Variants in GABRA2 observed in about 807,000 individuals in gnomAD.
GABRA2 encodes the protein gamma-aminobutyric acid type A receptor subunit alpha2.
A neutral mutation model predicts 48.7 loss-of-function variants in GABRA2; 16 were observed. That is an observed-to-expected ratio of 0.33 (90% CI 0.22 to 0.50). The LOEUF is 0.50. Ranked by LOEUF, GABRA2 falls within the 20% of genes least tolerant of loss-of-function variation. The pLI is 0.98. For synonymous variants in GABRA2, 185 were observed against 184.5 expected (o/e 1.00, Z -0.02); for missense variants, 275 against 535.6 (o/e 0.51, Z 4.80).
intron 3 of GABRA2, 62 bp downstream of exon 3, chr4:46,386,012 T>G: frequency 1.1e-6 from 1 of 939,686 alleles, no homozygotes; most frequent in Non-Finnish European, 1.7e-6. Context: ...AATAGGAATA[T>G]TACCCTTAAC....
At chr4:46,363,000 G>C (rs866267619) in intron 3 of GABRA2, among the ~76,000 whole-genome samples, 31 of 152,214 alleles carry the variant, frequency 2.0e-4, no homozygotes, top group Middle Eastern at 3.4e-3. Flanking sequence ...TCCTATTTAA[G>C]TAAAATTAAA....
rs759035332 is a variant in GABRA2 at position 46,388,615 on chromosome 4, CA to C, written c.71+20del. The C allele has an allele frequency of 2.5e-6, 4 of 1,613,424 alleles. No homozygotes were observed. In the African/African-American group the frequency reaches 5.3e-5, roughly 22 times the overall value. Reference sequence around the variant, plus strand: ...CATCTTTGCCCTGAATTAAAATAGTCAAATACAATAAATATCTCACCTGGCA... The same window carrying C: ...CATCTTTGCCCTGAATTAAAATAGTCAATACAATAAATATCTCACCTGGCA... On this transcript the variant is annotated intron_variant, in intron 2 of 9. Transcript: ENST00000381620.
At chr4:46,358,345 C>T (rs1352965134) in intron 3 of GABRA2, among the ~76,000 whole-genome samples, 1 of 152,146 alleles carries the variant, frequency 6.6e-6, no homozygotes, top group African/African-American at 2.4e-5. Flanking sequence ...GTTATTTAAC[C>T]TGCTATACTG....
intron 3 of GABRA2, among the ~76,000 whole-genome samples, chr4:46,339,796 T>C (rs1030136368): frequency 6.6e-5 from 10 of 151,814 alleles, no homozygotes; most frequent in Non-Finnish European, 1.2e-4. Flanking sequence ...CAGTTTTTGG[T>C]GTTCTGTATT....
At chr4:46,294,365 T>C (rs1031116426) in intron 8 of GABRA2, among the ~76,000 whole-genome samples, 1 of 152,204 alleles carries the variant, frequency 6.6e-6, no homozygotes, top group Non-Finnish European at 1.5e-5. Flanking sequence ...ATATTCCTTC[T>C]AAGGTGAAGG....
chr4:46,255,143 A>AG (rs1392278461), intron 9 of GABRA2, among the ~76,000 whole-genome samples: 1 of 151,608 alleles, frequency 6.6e-6, no homozygotes. Flanking sequence ...AGCTCTTTGA[A>AG]GGCACAGACT....
intron 4 of GABRA2, among the ~76,000 whole-genome samples, chr4:46,317,816 G>A (rs1176483926): frequency 3.3e-5 from 5 of 151,524 alleles, no homozygotes; most frequent in African/African-American, 1.2e-4. Flanking sequence ...TTATCAGTGA[G>A]GCTATTTAAA....
At chr4:46,266,073 T>C (rs1255909223) in intron 8 of GABRA2, among the ~76,000 whole-genome samples, 1 of 151,862 alleles carries the variant, frequency 6.6e-6, no homozygotes, top group African/African-American at 2.4e-5. Context: ...ACTTGTTTAA[T>C]GGCCTAATGC....
At chr4:46,317,434 T>C (rs1329957786) in intron 4 of GABRA2, among the ~76,000 whole-genome samples, 3 of 151,608 alleles carry the variant, frequency 2.0e-5, no homozygotes. Context: ...TGGAACGATA[T>C]AGACATTATT....
chr4:46,281,146 A>G (rs532465512), intron 8 of GABRA2, among the ~76,000 whole-genome samples: 1 of 152,292 alleles, frequency 6.6e-6, no homozygotes, highest in South Asian at 2.1e-4. Flanking sequence ...CAAAGCTACA[A>G]GTAGAGCAGA....
intron 4 of GABRA2, among the ~76,000 whole-genome samples, chr4:46,317,894 C>T (rs1310661024): frequency 1.3e-5 from 2 of 151,644 alleles, no homozygotes; most frequent in Non-Finnish European, 3.0e-5. Flanking sequence ...ATTTAAAATA[C>T]TGGTCAATGA....
In GABRA2 at chr4:46,297,553, C is replaced by T. The variant is rs185390003; in HGVS notation, c.856+5907G>A. Among the ~76,000 whole-genome samples the T allele has an allele frequency of 1.9e-3, 256 of 135,736 alleles. 2 individuals are homozygous for T. The highest frequency in any genetic ancestry group is 6.2e-3 in the African/African-American group (223 of 35,870). The allele number at this position is 135,736 out of a possible 152,430, so 89.0% of individuals were successfully genotyped here. A position where few individuals can be genotyped will look rare whatever the true frequency, so the allele number is the denominator to read the frequency against. Reference sequence around the variant, plus strand: ...ATATACACTCTAGAGAACCCTAATACGATTATCTAATTTGTTGGTGTGATA... The same window carrying T: ...ATATACACTCTAGAGAACCCTAATATGATTATCTAATTTGTTGGTGTGATA... On this transcript the variant is annotated intron_variant, in intron 8 of 9. Transcript: ENST00000381620.
At chr4:46,276,125 A>T (rs1367757948) in intron 8 of GABRA2, among the ~76,000 whole-genome samples, 1 of 152,188 alleles carries the variant, frequency 6.6e-6, no homozygotes, top group Non-Finnish European at 1.5e-5. Flanking sequence ...GAACAAAAAA[A>T]CTATTCTCTT....
intron 9 of GABRA2, among the ~76,000 whole-genome samples, chr4:46,258,986 G>T (rs1189079166): frequency 6.6e-6 from 1 of 151,856 alleles, no homozygotes; most frequent in Admixed American, 6.6e-5. Flanking sequence ...AGAAGCTGAG[G>T]ATGTGGGAAG....
At chr4:46,372,765 T>C (rs918223840) in intron 3 of GABRA2, among the ~76,000 whole-genome samples, 10 of 152,188 alleles carry the variant, frequency 6.6e-5, no homozygotes, top group Non-Finnish European at 1.5e-4. Flanking sequence ...AAAAAGCCAC[T>C]TGAGATTATT....
intron 8 of GABRA2, among the ~76,000 whole-genome samples, chr4:46,275,427 C>A (rs1720296898): frequency 6.6e-6 from 1 of 152,026 alleles, no homozygotes; most frequent in African/African-American, 2.4e-5. Context: ...AGAGGTTCTG[C>A]ATTAAGGTAA....
chr4:46,312,407 G>C, intron 5 of GABRA2, 89 bp downstream of exon 5: 2 of 812,062 alleles, frequency 2.5e-6, no homozygotes, highest in Non-Finnish European at 4.1e-6. Flanking sequence ...ACTCAACTTT[G>C]TTAATACTTG....
intron 3 of GABRA2, among the ~76,000 whole-genome samples, chr4:46,363,091 A>G (rs1578176689): frequency 6.6e-6 from 1 of 152,188 alleles, no homozygotes; most frequent in African/African-American, 2.4e-5. Context: ...TAGTCTAAAA[A>G]GTTATATATC....
chr4:46,346,011 A>G (rs1734083909), intron 3 of GABRA2, among the ~76,000 whole-genome samples: 1 of 151,930 alleles, frequency 6.6e-6, no homozygotes, highest in African/African-American at 2.4e-5. Context: ...CTTGTATCAT[A>G]ACTAGAATGT....
Sources: allele counts gnomAD v4.1 joint callset (sites outside exome capture counted in the v4.1 genomes callset), GRCh38; gene constraint gnomAD v4.1.1; transcripts MANE v1.5; gene names NCBI Gene and HGNC (gene_info 2026-07-23, HGNC 2026-07-21).